PPP3CA: variants seen among roughly 807,000 people sequenced by gnomAD.
PPP3CA encodes protein phosphatase 3 catalytic subunit alpha.
Under a neutral mutation model 66.5 loss-of-function variants are expected in PPP3CA, and 14 were observed. The observed-to-expected ratio is 0.21, with a 90% CI of 0.14 to 0.33. PPP3CA has a LOEUF of 0.33. Ranked by LOEUF, PPP3CA falls within the 10% of genes least tolerant of loss-of-function variation. PPP3CA has a pLI of 1.00. For synonymous variants in PPP3CA, 232 were observed against 226.2 expected (o/e 1.03, Z -0.23); for missense variants, 317 against 639.5 (o/e 0.50, Z 5.44).
chr4:101,149,106 G>A (rs957958215), intron 2 of PPP3CA, among the ~76,000 whole-genome samples: 1 of 152,122 alleles, frequency 6.6e-6, no homozygotes, highest in African/African-American at 2.4e-5. Context: ...CTGCAATTAT[G>A]TATTTGAAGC....
At chr4:101,074,267 C>A (rs1340000935) in intron 8 of PPP3CA, among the ~76,000 whole-genome samples, 4 of 152,120 alleles carry the variant, frequency 2.6e-5, no homozygotes, top group Non-Finnish European at 5.9e-5. Context: ...GGTATAGATT[C>A]CACTTTCCTT....
chr4:101,033,943 G>A (rs1207452654), intron 11 of PPP3CA, among the ~76,000 whole-genome samples: 1 of 152,096 alleles, frequency 6.6e-6, no homozygotes, highest in Admixed American at 6.5e-5. Context: ...GGAGCCTTCC[G>A]AATGGTCTCT....
In PPP3CA at chr4:101,279,405, A is replaced by G. The variant is rs938726898; in HGVS notation, c.58+67334T>C. On this transcript the variant is annotated intron_variant, in intron 1 of 13. Coordinates refer to ENST00000394854, the MANE Select transcript of PPP3CA (RefSeq NM_000944.5). ...CTGCAGGAGGTCCTAGAGAGTTAGAAGCAGAGTAAGAGCCAGTAAGCAGTT... is the reference window on the plus strand; with the variant it reads ...CTGCAGGAGGTCCTAGAGAGTTAGAGGCAGAGTAAGAGCCAGTAAGCAGTT... 2.6e-5 allele frequency among the ~76,000 whole-genome samples: 4 copies of G among 152,166 alleles called. No homozygotes were observed. The South Asian group carries it at 8.3e-4, about 31-fold the overall frequency.
chr4:101,071,858 A>T (rs1728934533), intron 8 of PPP3CA, among the ~76,000 whole-genome samples: 1 of 152,232 alleles, frequency 6.6e-6, no homozygotes, highest in South Asian at 2.1e-4. Flanking sequence ...TTTTTAAGAA[A>T]TCAAGAAGGT....
intron 1 of PPP3CA, among the ~76,000 whole-genome samples, chr4:101,211,251 A>G (rs992455302): frequency 1.3e-5 from 2 of 152,158 alleles, no homozygotes; most frequent in African/African-American, 4.8e-5. Flanking sequence ...GACTCATCCA[A>G]TGATCCAAAG....
chr4:101,240,798 T>C lies in PPP3CA; in HGVS notation c.59-44682A>G, dbSNP rs1383238075. 2.6e-5 allele frequency: 4 copies of C among 152,232 alleles called. No homozygotes were observed. The East Asian group carries it at 5.8e-4, about 22-fold the overall frequency. The allele number at this position is 152,232 out of a possible 1,614,324, so 9.4% of individuals were successfully genotyped here. A position where few individuals can be genotyped will look rare whatever the true frequency, so the allele number is the denominator to read the frequency against. On this transcript the variant is annotated intron_variant, in intron 1 of 13. Coordinates refer to ENST00000394854, the MANE Select transcript of PPP3CA (RefSeq NM_000944.5). ...TTAGAAGACTCCAAGTCAACACAGA[T>C]TTGCCCTACATCCAAAAGATCACAT...
intron 10 of PPP3CA, among the ~76,000 whole-genome samples, chr4:101,057,275 T>C (rs1728267970): frequency 6.6e-6 from 1 of 152,170 alleles, no homozygotes. Context: ...CAGGCTAGTC[T>C]CCAACTCCTG....
intron 1 of PPP3CA, among the ~76,000 whole-genome samples, chr4:101,214,110 T>C (rs761912339): frequency 2.1e-4 from 32 of 152,166 alleles, no homozygotes; most frequent in Non-Finnish European, 3.5e-4. Flanking sequence ...AATGGACTTT[T>C]ACTCTCAAAT....
intron 3 of PPP3CA, among the ~76,000 whole-genome samples, chr4:101,106,231 G>A (rs771685550): frequency 1.3e-5 from 2 of 151,448 alleles, no homozygotes; most frequent in Non-Finnish European, 2.9e-5. Context: ...TAAGGCGGGA[G>A]GATCACTTGA....
chr4:101,239,225 A>G (rs1367263952), intron 1 of PPP3CA, among the ~76,000 whole-genome samples: 1 of 152,126 alleles, frequency 6.6e-6, no homozygotes, highest in Non-Finnish European at 1.5e-5. Flanking sequence ...CAAATAAGTA[A>G]TTTTCTTAAA....
intron 2 of PPP3CA, among the ~76,000 whole-genome samples, chr4:101,176,667 A>G (rs1345078384): frequency 6.6e-6 from 1 of 152,174 alleles, no homozygotes; most frequent in African/African-American, 2.4e-5. Context: ...TTGTATGACC[A>G]ATTATCAGAC....
At chr4:101,081,680 T>C (rs1181818185) in intron 7 of PPP3CA, among the ~76,000 whole-genome samples, 1 of 152,186 alleles carries the variant, frequency 6.6e-6, no homozygotes, top group African/African-American at 2.4e-5. Context: ...TCAAAAAGTA[T>C]CTTTAGATAG....
At chr4:101,308,417 T>C (rs953439345) in intron 1 of PPP3CA, among the ~76,000 whole-genome samples, 18 of 152,148 alleles carry the variant, frequency 1.2e-4, no homozygotes, top group African/African-American at 4.3e-4. Flanking sequence ...ACCTAGCATA[T>C]AGAATGTTCA....
intron 1 of PPP3CA, among the ~76,000 whole-genome samples, chr4:101,197,643 A>G (rs1308692803): frequency 6.6e-6 from 1 of 152,246 alleles, no homozygotes; most frequent in Non-Finnish European, 1.5e-5. Context: ...TAATATTTAT[A>G]GAGTATTTAT....
chr4:101,144,282 C>G (rs572180020), intron 2 of PPP3CA, among the ~76,000 whole-genome samples: 2 of 152,104 alleles, frequency 1.3e-5, no homozygotes, highest in African/African-American at 4.8e-5. Context: ...TTGGAATATA[C>G]GTATATACTA....
chr4:101,035,893 T>C (rs1312855471), intron 11 of PPP3CA, among the ~76,000 whole-genome samples: 2 of 152,350 alleles, frequency 1.3e-5, no homozygotes, highest in Admixed American at 6.5e-5. Flanking sequence ...GTTGTAATGC[T>C]TTTTTCTCCT....
intron 5 of PPP3CA, among the ~76,000 whole-genome samples, chr4:101,095,278 A>T (rs986081613): frequency 6.6e-6 from 1 of 152,182 alleles, no homozygotes; most frequent in Non-Finnish European, 1.5e-5. Flanking sequence ...TAAGGGTAGG[A>T]CAGTAGAGGA....
intron 1 of PPP3CA, among the ~76,000 whole-genome samples, chr4:101,318,565 T>C (rs570634010): frequency 1.3e-5 from 2 of 152,154 alleles, no homozygotes; most frequent in Non-Finnish European, 2.9e-5. Context: ...GAATTGTGTA[T>C]CTGTGTGGTA....
intron 6 of PPP3CA, among the ~76,000 whole-genome samples, chr4:101,083,868 G>A (rs180671303): frequency 6.6e-6 from 1 of 152,228 alleles, no homozygotes; most frequent in Admixed American, 6.5e-5. Flanking sequence ...ACAAAATTAT[G>A]GATATTCACA....
Sources: allele counts gnomAD v4.1 joint callset (sites outside exome capture counted in the v4.1 genomes callset), GRCh38; gene constraint gnomAD v4.1.1; transcripts MANE v1.5; gene names NCBI Gene and HGNC (gene_info 2026-07-23, HGNC 2026-07-21).